PLXNC1: variants seen among roughly 807,000 people sequenced by gnomAD.
The protein encoded by PLXNC1 is plexin C1, also known as plexin-C1.
Under a neutral mutation model 178.2 loss-of-function variants are expected in PLXNC1, and 75 were observed. That is an observed-to-expected ratio of 0.42 (90% CI 0.35 to 0.51). The LOEUF (loss-of-function observed/expected upper bound fraction) is 0.51. PLXNC1 is among the 20% of genes least tolerant of loss of function. The pLI is 0.02. For missense variants in PLXNC1, 1,503 were observed against 1,984.4 expected, an observed-to-expected ratio of 0.76 and a Z score of 4.61; for synonymous variants, 790 against 779.9, an observed-to-expected ratio of 1.01 and a Z score of -0.22.
At chr12:94,210,485 A>G (rs1963436394) in intron 5 of PLXNC1, among the ~76,000 whole-genome samples, 1 of 152,240 alleles carries the variant, frequency 6.6e-6, no homozygotes, top group Non-Finnish European at 1.5e-5. Context: ...ATAACTGTAC[A>G]GCAGCCAGCT....
intron 20 of PLXNC1, among the ~76,000 whole-genome samples, chr12:94,262,101 G>T (rs548502429): frequency 6.6e-6 from 1 of 152,298 alleles, no homozygotes; most frequent in South Asian, 2.1e-4. Context: ...CAGTTCCCTG[G>T]TCTTGGTCTT....
rs1226293515 is a variant in PLXNC1, at chr12:94,169,041, C to T, written c.1063-112C>T. 4 of 952,100 alleles carry T rather than the reference C, an allele frequency of 4.2e-6. No individual in the cohort carries two copies. The African/African-American group carries it at 6.6e-5, about 16-fold the overall frequency. 59.0% of individuals were successfully genotyped at this position (952,100 alleles called of 1,614,324 possible). On this transcript the variant is annotated intron_variant, in intron 1 of 30. Transcript: ENST00000258526. ...TAGTCTAAGAGAATATATGTGGGGCCCAGAAGTGAGATCCTGCCTAGGAGG... is the reference window on the plus strand; with the variant it reads ...TAGTCTAAGAGAATATATGTGGGGCTCAGAAGTGAGATCCTGCCTAGGAGG...
intron 12 of PLXNC1, among the ~76,000 whole-genome samples, chr12:94,245,296 G>T (rs1433861401): frequency 2.6e-5 from 4 of 152,208 alleles, no homozygotes; most frequent in Non-Finnish European, 2.9e-5. Context: ...AGCACCTACT[G>T]CAGGCAAAAC....
At chr12:94,287,609 G>A (rs762652529) in intron 23 of PLXNC1, among the ~76,000 whole-genome samples, 5 of 152,160 alleles carry the variant, frequency 3.3e-5, no homozygotes, top group Non-Finnish European at 5.9e-5. Flanking sequence ...TTGTTTAACC[G>A]CTTTCATTAA....
chr12:94,245,444 G>T (rs1964501773), intron 12 of PLXNC1, among the ~76,000 whole-genome samples: 1 of 152,160 alleles, frequency 6.6e-6, no homozygotes, highest in Non-Finnish European at 1.5e-5. Flanking sequence ...ACTTTGGGAG[G>T]CCAAGGCGGG....
intron 20 of PLXNC1, among the ~76,000 whole-genome samples, chr12:94,263,208 G>A (rs1312837438): frequency 2.4e-5 from 3 of 124,314 alleles, no homozygotes; most frequent in Non-Finnish European, 3.5e-5. Context: ...CCGCCTCCCC[G>A]CCCCCGGCCC....
chr12:94,252,641 C>T (rs187393859), intron 15 of PLXNC1, among the ~76,000 whole-genome samples: 2 of 152,310 alleles, frequency 1.3e-5, no homozygotes, highest in African/African-American at 4.8e-5. Flanking sequence ...GGAAACGTCT[C>T]TTGAAAATGT....
rs1964564493 is a variant in PLXNC1 at position 94,247,602 on chromosome 12, A to C, written c.2389-301A>C. Among the ~76,000 whole-genome samples, 9 of 152,022 alleles carry C rather than the reference A, an allele frequency of 5.9e-5. No homozygotes were observed. The South Asian group carries it at 1.9e-3, about 32-fold the overall frequency. ...GCCTAGTCTCTTTTCCCATGGCATA[A>C]CCTTCCAGCTGCTTTCATTGTCACT... On this transcript the variant is annotated intron_variant, in intron 12 of 30. Coordinates refer to ENST00000258526, the MANE Select transcript of PLXNC1 (RefSeq NM_005761.3).
At position 94,169,195 on chromosome 12, in the gene PLXNC1, T is replaced by C. The variant is rs781757418; in HGVS notation, c.1105T>C (p.Ser369Pro). ...QPERVQPIAS[S>P]TLIHSDLTSV... ...TGAAAGAGTCCAACCAATCGCATCA[T>C]CTACCTTGATCCATTCCGACCTGAC... is the stretch of plus-strand genomic sequence containing the variant. The change falls in exon 2 of 31, where the codon TCT (serine) becomes CCT (proline). Residue 369 changes from serine (S) to proline (P), a missense_variant. This residue lies in a region of PLXNC1 where 615 missense variants were observed against 698.6 expected (regional missense o/e 0.88). Coordinates refer to ENST00000258526, the MANE Select transcript of PLXNC1 (RefSeq NM_005761.3). 6.2e-7 allele frequency: 1 copy of C among 1,613,826 alleles called. No individual in the cohort carries two copies. Among genetic ancestry groups the C allele is most frequent in the African/African-American group, 1.3e-5 (1 of 74,930 alleles).
chr12:94,222,047 G>A (rs1211425844), intron 6 of PLXNC1, among the ~76,000 whole-genome samples: 1 of 152,168 alleles, frequency 6.6e-6, no homozygotes, highest in Non-Finnish European at 1.5e-5. Context: ...CAGCCACTGG[G>A]TGGTGGCTGT....
At chr12:94,247,005 C>T (rs969549371) in intron 12 of PLXNC1, among the ~76,000 whole-genome samples, 4 of 152,194 alleles carry the variant, frequency 2.6e-5, no homozygotes, top group Non-Finnish European at 5.9e-5. Context: ...CCAGCCTCCT[C>T]TGCCTGTCCT....
intron 14 of PLXNC1, among the ~76,000 whole-genome samples, chr12:94,249,744 G>A (rs1195639945): frequency 6.6e-6 from 1 of 152,082 alleles, no homozygotes; most frequent in Non-Finnish European, 1.5e-5. Context: ...AAGAGCAAAT[G>A]CTAACATTCT....
At chr12:94,175,636 CAG>C (rs1464472462) in intron 2 of PLXNC1, among the ~76,000 whole-genome samples, 1 of 152,204 alleles carries the variant, frequency 6.6e-6, no homozygotes, top group Admixed American at 6.5e-5. Context: ...AATTCTCCAT[CAG>C]AGAAAATTTG....
chr12:94,287,611 TTTCA>T (rs1004688591), intron 23 of PLXNC1, among the ~76,000 whole-genome samples: 16 of 152,230 alleles, frequency 1.1e-4, no homozygotes, highest in African/African-American at 3.9e-4. Flanking sequence ...GTTTAACCGC[TTTCA>T]TTAACAGATG....
chr12:94,175,247 A>C (rs1327990353), intron 2 of PLXNC1, among the ~76,000 whole-genome samples: 1 of 152,208 alleles, frequency 6.6e-6, no homozygotes, highest in East Asian at 1.9e-4. Context: ...TATGGAAAAA[A>C]ATAATAATAA....
At chr12:94,157,542 A>G (rs906011324) in intron 1 of PLXNC1, among the ~76,000 whole-genome samples, 5 of 152,182 alleles carry the variant, frequency 3.3e-5, no homozygotes, top group African/African-American at 1.2e-4. Flanking sequence ...TTCTATCTTG[A>G]TGAAATGCTA....
chr12:94,227,472 G>A (rs759299119), intron 9 of PLXNC1: 3 of 358,260 alleles, frequency 8.4e-6, no homozygotes, highest in Non-Finnish European at 1.5e-5. Context: ...TGTTGCTCTG[G>A]TCGAAATAAA....
At chr12:94,225,783 C>T (rs1023348963) in intron 7 of PLXNC1, among the ~76,000 whole-genome samples, 1 of 152,180 alleles carries the variant, frequency 6.6e-6, no homozygotes, top group African/African-American at 2.4e-5. Context: ...GTAGAAGAAG[C>T]GAGCAAATCA....
rs371366514 is a variant in PLXNC1, at chr12:94,226,745, C to T, written c.1893+38C>T. 85 of 1,423,028 alleles carry T rather than the reference C, an allele frequency of 6.0e-5. No homozygotes were observed. The African/African-American group carries it at 8.0e-4, about 13-fold the overall frequency. The allele number at this position is 1,423,028 out of a possible 1,614,324, so 88.2% of individuals were successfully genotyped here. A position where few individuals can be genotyped will look rare whatever the true frequency, so the allele number is the denominator to read the frequency against. On this transcript the variant is annotated intron_variant, in intron 8 of 30. Coordinates refer to ENST00000258526, the MANE Select transcript of PLXNC1 (RefSeq NM_005761.3). ...TTTTGGTATTGTAAGTCTTAACCGC[C>T]GGGCATGGTGGCTCACGCCTGCAAT... is the stretch of plus-strand genomic sequence containing the variant.
Sources: allele counts gnomAD v4.1 joint callset (sites outside exome capture counted in the v4.1 genomes callset), GRCh38; gene constraint gnomAD v4.1.1; regional missense constraint gnomAD v4.1.1; transcripts MANE v1.5; gene names NCBI Gene and HGNC (gene_info 2026-07-23, HGNC 2026-07-21).